KDM4C: variants seen among roughly 807,000 people sequenced by gnomAD.
The protein encoded by KDM4C is lysine demethylase 4C, also known as lysine-specific demethylase 4C.
KDM4C carries 81 observed loss-of-function variants against 129.3 expected under a neutral mutation model. The ratio of observed to expected loss-of-function variants is 0.63; its 90% CI spans 0.52 to 0.75. The LOEUF (loss-of-function observed/expected upper bound fraction) is 0.75. Ranked by LOEUF, KDM4C falls within the 30% of genes least tolerant of loss-of-function variation. The pLI is 0.00. For synonymous variants in KDM4C, 573 were observed against 456.1 expected (o/e 1.26, Z -3.26); for missense variants, 1,457 against 1,304.0 (o/e 1.12, Z -1.81).
chr9:6,875,313 C>A (rs1474636711), intron 5 of KDM4C, among the ~76,000 whole-genome samples: 1 of 152,096 alleles, frequency 6.6e-6, no homozygotes, highest in Non-Finnish European at 1.5e-5. Flanking sequence ...GGTAGAAATA[C>A]ACATGTATTC....
intron 5 of KDM4C, among the ~76,000 whole-genome samples, chr9:6,858,495 C>T (rs964395132): frequency 3.3e-5 from 5 of 152,172 alleles, no homozygotes; most frequent in African/African-American, 1.2e-4. Flanking sequence ...TAATGCTGTT[C>T]ACCTCGCAAA....
chr9:6,837,614 T>C (rs1264393972), intron 4 of KDM4C, among the ~76,000 whole-genome samples: 1 of 152,246 alleles, frequency 6.6e-6, no homozygotes, highest in Admixed American at 6.5e-5. Context: ...AGAATATCTT[T>C]TCATGTCTTT....
At chr9:7,044,765 C>T (rs1367274952) in intron 15 of KDM4C, among the ~76,000 whole-genome samples, 1 of 151,872 alleles carries the variant, frequency 6.6e-6, no homozygotes, top group Non-Finnish European at 1.5e-5. Flanking sequence ...TGATCGGAAT[C>T]AGGGTAGTGG....
At chr9:6,880,334 T>C (rs1022857860) in intron 6 of KDM4C, among the ~76,000 whole-genome samples, 1 of 152,246 alleles carries the variant, frequency 6.6e-6, no homozygotes, top group Non-Finnish European at 1.5e-5. Flanking sequence ...TAATCTGTTT[T>C]GGTAGTTTCT....
At chr9:7,119,887 C>G (rs1402896138) in intron 18 of KDM4C, among the ~76,000 whole-genome samples, 1 of 152,140 alleles carries the variant, frequency 6.6e-6, no homozygotes, top group Non-Finnish European at 1.5e-5. Context: ...TCTGAGCTCT[C>G]TTAATACCTT....
intron 19 of KDM4C, among the ~76,000 whole-genome samples, chr9:7,146,084 A>T (rs1411955419): frequency 2.0e-5 from 3 of 152,270 alleles, no homozygotes; most frequent in Non-Finnish European, 4.4e-5. Flanking sequence ...TTATGCAGCC[A>T]TTAAAATCAT....
chr9:6,776,404 G>A (rs961405735), intron 1 of KDM4C, among the ~76,000 whole-genome samples: 2 of 152,010 alleles, frequency 1.3e-5, no homozygotes, highest in African/African-American at 4.8e-5. Context: ...TGGGAATACG[G>A]GCCAATGCCA....
At chr9:7,174,531 A>G (rs1285442171) in intron 21 of KDM4C, 22 bp from the exon 22 acceptor site, 8 of 1,612,596 alleles carry the variant, frequency 5.0e-6, no homozygotes, top group Middle Eastern at 1.6e-4. Flanking sequence ...CCCTTTTGCA[A>G]TATAACACCA....
intron 15 of KDM4C, among the ~76,000 whole-genome samples, chr9:7,036,345 A>G (rs1051403371): frequency 1.3e-5 from 2 of 152,146 alleles, no homozygotes; most frequent in African/African-American, 2.4e-5. Flanking sequence ...GTAAAGATGT[A>G]TGTTCATCTT....
At chr9:6,799,189 G>T (rs1009077561) in intron 2 of KDM4C, among the ~76,000 whole-genome samples, 1 of 152,138 alleles carries the variant, frequency 6.6e-6, no homozygotes, top group Non-Finnish European at 1.5e-5. Flanking sequence ...CTGCAATCTC[G>T]GCACTTTGGG....
chr9:7,004,578 C>G (rs1821314163), intron 12 of KDM4C, among the ~76,000 whole-genome samples: 1 of 152,074 alleles, frequency 6.6e-6, no homozygotes, highest in South Asian at 2.1e-4. Context: ...CATTATATAG[C>G]TATGCCATAA....
chr9:7,001,234 G>A (rs1359115711), intron 12 of KDM4C, among the ~76,000 whole-genome samples: 6 of 152,150 alleles, frequency 3.9e-5, no homozygotes, highest in Non-Finnish European at 7.4e-5. Flanking sequence ...TAGTGTTTAT[G>A]TTCTTTGTTT....
chr9:7,140,104 C>T (rs1841591346), intron 19 of KDM4C, among the ~76,000 whole-genome samples: 1 of 152,152 alleles, frequency 6.6e-6, no homozygotes, highest in Non-Finnish European at 1.5e-5. Flanking sequence ...TGCTGCTCAC[C>T]AGTTTCAGGT....
intron 1 of KDM4C, among the ~76,000 whole-genome samples, chr9:6,728,034 A>T (rs921636784): frequency 6.7e-6 from 1 of 150,158 alleles, no homozygotes; most frequent in Non-Finnish European, 1.5e-5. Flanking sequence ...AATACTAAAT[A>T]AAAAGTTTGG....
chr9:6,889,829 A>T (rs1845865925), intron 7 of KDM4C, among the ~76,000 whole-genome samples: 1 of 152,164 alleles, frequency 6.6e-6, no homozygotes, highest in South Asian at 2.1e-4. Context: ...GGGCTGTGGG[A>T]TTGGCTCCCT....
chr9:7,113,481 TG>T (rs1314523842), intron 18 of KDM4C, among the ~76,000 whole-genome samples: 3 of 152,200 alleles, frequency 2.0e-5, no homozygotes, highest in Non-Finnish European at 4.4e-5. Context: ...CCCCCTAATT[TG>T]TTTTCCCACT....
intron 12 of KDM4C, among the ~76,000 whole-genome samples, chr9:7,006,572 T>G (rs750187853): frequency 2.0e-5 from 3 of 151,988 alleles, no homozygotes; most frequent in Non-Finnish European, 1.5e-5. Flanking sequence ...GAAGGGAGGG[T>G]TGTAAGCAGG....
At chr9:6,909,916 C>T (rs1359014055) in intron 8 of KDM4C, among the ~76,000 whole-genome samples, 1 of 152,116 alleles carries the variant, frequency 6.6e-6, no homozygotes, top group African/African-American at 2.4e-5. Context: ...AAGAAGATTT[C>T]ACGTATATCT....
intron 8 of KDM4C, among the ~76,000 whole-genome samples, chr9:6,929,263 TTTGTTCAATAAATC>T (rs1214454612): frequency 6.6e-6 from 1 of 152,184 alleles, no homozygotes. Context: ...GCTATAGCCT[TTTGTTCAATAAATC>T]TTGAAGGAAT....
Sources: allele counts gnomAD v4.1 joint callset (sites outside exome capture counted in the v4.1 genomes callset), GRCh38; gene constraint gnomAD v4.1.1; transcripts MANE v1.5; gene names NCBI Gene and HGNC (gene_info 2026-07-23, HGNC 2026-07-21).